Variants in BLVRB observed in about 807,000 individuals in gnomAD.
The protein encoded by BLVRB is biliverdin reductase B.
In BLVRB, 25 loss-of-function variants were observed where a neutral mutation model predicts 21.1. The ratio of observed to expected loss-of-function variants is 1.19; its 90% CI spans 0.86 to 1.66. The LOEUF (loss-of-function observed/expected upper bound fraction) is 1.66. Ranked by LOEUF, BLVRB falls within the 40% of genes most tolerant of loss-of-function variation. The pLI, the probability that BLVRB is intolerant of heterozygous loss-of-function variation, is 0.00. For missense variants in BLVRB, 274 were observed against 282.7 expected, an observed-to-expected ratio of 0.97 and a Z score of 0.22; for synonymous variants, 128 against 122.2, an observed-to-expected ratio of 1.05 and a Z score of -0.31.
rs754797657 is a variant in BLVRB, at chr19:40,458,365, AG to A, written c.244+15del. On this transcript the variant is annotated intron_variant, in intron 2 of 4. Transcript: ENST00000263368. ...AGGTGTAGGGGAGGGCCGTGGGCAG[AG>A]GGGGGGCTCAGTACTGAGGTCATTG... The A allele has an allele frequency of 7.8e-6, 12 of 1,539,032 alleles. No individual in the cohort carries two copies. The highest frequency in any genetic ancestry group is 1.9e-4 in the Middle Eastern group (1 of 5,146).
At chr19:40,448,955 C>T (rs1306739089) in intron 4 of BLVRB, among the ~76,000 whole-genome samples, 2 of 152,004 alleles carry the variant, frequency 1.3e-5, no homozygotes, top group Admixed American at 6.6e-5. Context: ...AGTGTGGTGG[C>T]TTATGCCTGT....
rs1009417001 is a variant in BLVRB, at chr19:40,460,245, AACATAT to A, written c.80-1706_80-1701del. Among the ~76,000 whole-genome samples the A allele has an allele frequency of 8.2e-4, 44 of 53,556 alleles. 2 individuals carry two copies. The highest frequency in any genetic ancestry group is 3.3e-3 in the African/African-American group (34 of 10,440). 35.1% of individuals were successfully genotyped at this position (53,556 alleles called of 152,430 possible). On this transcript the variant is annotated intron_variant, in intron 1 of 4. Transcript: ENST00000263368. ...TAACATTTGGGTATACTGTAATAGC[AACATAT>A]ATATATATATATATATATATATATT...
chr19:40,454,844 T>G (rs1424625116), intron 3 of BLVRB, among the ~76,000 whole-genome samples: 1 of 145,036 alleles, frequency 6.9e-6, no homozygotes, highest in Admixed American at 6.9e-5. Flanking sequence ...AGCACCCGGC[T>G]GTTTTGTTGT....
intron 3 of BLVRB, 158 bp downstream of exon 3, chr19:40,457,997 T>C (rs770704617): frequency 4.1e-6 from 3 of 725,152 alleles, no homozygotes; most frequent in Non-Finnish European, 4.7e-6. Flanking sequence ...AGGTCACCAC[T>C]GTGTCCCCAG....
chr19:40,451,759 C>A (rs540282797), intron 3 of BLVRB, among the ~76,000 whole-genome samples: 1 of 152,144 alleles, frequency 6.6e-6, no homozygotes, highest in Admixed American at 6.6e-5. Flanking sequence ...TCTCAAACTC[C>A]TGACCTCAGG....
At chr19:40,461,498 A>ATTT (rs35562498) in intron 1 of BLVRB, among the ~76,000 whole-genome samples, 1 of 135,528 alleles carries the variant, frequency 7.4e-6, no homozygotes. Context: ...CCCACAGCAC[A>ATTT]TTTTTTTTTT....
rs572871059 is a variant in BLVRB, at chr19:40,465,515, A to G, written c.79+95T>C. 4.7e-6 allele frequency: 7 copies of G among 1,474,572 alleles called. No homozygotes were observed. In the Admixed American group the frequency reaches 7.9e-5, roughly 17 times the overall value. The allele number at this position is 1,474,572 out of a possible 1,614,324, so 91.3% of individuals were successfully genotyped here. A position where few individuals can be genotyped will look rare whatever the true frequency, so the allele number is the denominator to read the frequency against. On this transcript the variant is annotated intron_variant, in intron 1 of 4. Transcript: ENST00000263368. ...CCTCATACACCTGGCTGGGGCGCTC[A>G]TGGCCCCAATCAGCCTCGGCCCGAC...
chr19:40,458,432 C>A lies in BLVRB; in HGVS notation c.193G>T (p.Val65Leu). ...ACGATGACAGCGTCCTGCCCAGCCACGGTCTTGTCCACATCGGCTGCCTGC... is the reference window on the plus strand; with the variant it reads ...ACGATGACAGCGTCCTGCCCAGCCAAGGTCTTGTCCACATCGGCTGCCTGC... ...VLQAADVDKT[V>L]AGQDAVIVLL... is the part of the protein sequence containing the mutation. The change falls in exon 2 of 5, where the codon GTG becomes TTG. Residue 65 changes from valine (V) to leucine (L), a missense_variant. Coordinates refer to ENST00000263368, the MANE Select transcript of BLVRB (RefSeq NM_000713.3). 2 of 1,595,632 alleles carry A rather than the reference C, an allele frequency of 1.3e-6. No homozygotes were observed. The highest frequency in any genetic ancestry group is 1.7e-6 in the Non-Finnish European group (2 of 1,171,776).
intron 3 of BLVRB, among the ~76,000 whole-genome samples, chr19:40,455,941 A>G (rs1056995254): frequency 1.2e-4 from 18 of 152,042 alleles, no homozygotes; most frequent in South Asian, 2.1e-4. Flanking sequence ...GCGAAACTCT[A>G]TCTCTACCAA....
Position 40,465,708 on chromosome 19 carries a change from G to A in BLVRB, c.-20C>T. 6.2e-7 allele frequency: 1 copy of A among 1,611,512 alleles called. No individual in the cohort carries two copies. Among genetic ancestry groups the A allele is most frequent in the Non-Finnish European group, 8.5e-7 (1 of 1,179,032 alleles). ...GGCCATCGTACGGGATCGTGGGGGT[G>A]CAAGGCCTCAGAGTCTCGGCACGCG... On this transcript the variant is annotated 5_prime_UTR_variant, in exon 1 of 5. Coordinates refer to ENST00000263368, the MANE Select transcript of BLVRB (RefSeq NM_000713.3).
In BLVRB at chr19:40,465,623, C is replaced by G; in HGVS notation, c.66G>C (p.Gln22His). 1 of 1,612,468 alleles carries G rather than the reference C, an allele frequency of 6.2e-7. No individual in the cohort carries two copies. ...CCCGGCTCATGCCTGCTTGCACCGC[C>G]TGCGCCAGGGTGGTGAGCCCGGTCT... The part of the protein sequence containing the change: ...TGQTGLTTLA[Q>H]AVQAGYEVTV... Residue 22 changes from glutamine to histidine, a missense_variant, in exon 1 of 5, where the codon CAG (glutamine) becomes CAC (histidine). Gln to His is a conservative substitution (Grantham distance 24, BLOSUM62 0). Transcript: ENST00000263368.
rs575943878 is a variant in BLVRB, at chr19:40,448,322, G to A, written c.464-276C>T. ...ATCCCCTGCCCTGGCCAGTGGCGGTGGCTCATGCCTGTAATCCTGGCACTT... is the reference window on the plus strand; with the variant it reads ...ATCCCCTGCCCTGGCCAGTGGCGGTAGCTCATGCCTGTAATCCTGGCACTT... On this transcript the variant is annotated intron_variant, in intron 4 of 4. Transcript: ENST00000263368. 2.0e-5 allele frequency among the ~76,000 whole-genome samples: 3 copies of A among 152,060 alleles called. No homozygotes were observed. In the South Asian group the frequency reaches 6.2e-4, roughly 32 times the overall value.
At chr19:40,454,599 G>T (rs12975787) in intron 3 of BLVRB, among the ~76,000 whole-genome samples, 17,939 of 151,168 alleles carry the variant, frequency 0.12, 1,125 homozygotes, top group South Asian at 0.16. Flanking sequence ...AGGCTGGAGT[G>T]CAGTGGCACG....
chr19:40,451,759 C>T (rs540282797), intron 3 of BLVRB, among the ~76,000 whole-genome samples: 2 of 152,262 alleles, frequency 1.3e-5, no homozygotes, highest in African/African-American at 4.8e-5. Context: ...TCTCAAACTC[C>T]TGACCTCAGG....
At chr19:40,461,201 T>C (rs1295997207) in intron 1 of BLVRB, among the ~76,000 whole-genome samples, 1 of 152,102 alleles carries the variant, frequency 6.6e-6, no homozygotes, top group Non-Finnish European at 1.5e-5. Flanking sequence ...CTTGTAACCA[T>C]TTTGCAACTT....
chr19:40,461,036 C>A lies in BLVRB; in HGVS notation c.80-2491G>T, dbSNP rs937570701. 3.9e-5 allele frequency among the ~76,000 whole-genome samples: 6 copies of A among 152,108 alleles called. No individual in the cohort carries two copies. The East Asian group carries it at 5.8e-4, about 15-fold the overall frequency. ...ACAATAAACATAAAAAACCAAAAAA[C>A]CCAAAAAGACACAATAAAAAAATTA... On this transcript the variant is annotated intron_variant, in intron 1 of 4. Transcript: ENST00000263368.
intron 1 of BLVRB, among the ~76,000 whole-genome samples, chr19:40,463,890 G>A (rs2145784836): frequency 6.6e-6 from 1 of 150,998 alleles, no homozygotes; most frequent in South Asian, 2.1e-4. Flanking sequence ...GCCTCAGTCT[G>A]CCAAGTAACT....
chr19:40,453,038 G>A (rs2079747392), intron 3 of BLVRB, among the ~76,000 whole-genome samples: 1 of 152,146 alleles, frequency 6.6e-6, no homozygotes, highest in Non-Finnish European at 1.5e-5. Context: ...ACTCCAGCCT[G>A]GGTGACAGAG....
intron 3 of BLVRB, among the ~76,000 whole-genome samples, chr19:40,455,530 A>G (rs2079758651): frequency 6.6e-6 from 1 of 152,052 alleles, no homozygotes; most frequent in Non-Finnish European, 1.5e-5. Context: ...ATCTATACTA[A>G]AAATACACAC....
Sources: allele counts gnomAD v4.1 joint callset (sites outside exome capture counted in the v4.1 genomes callset), GRCh38; gene constraint gnomAD v4.1.1; transcripts MANE v1.5; gene names NCBI Gene and HGNC (gene_info 2026-07-23, HGNC 2026-07-21).